The following ADGRV1 variants were observed in gnomAD, a reference collection of about 807,000 sequenced individuals.
The protein encoded by ADGRV1 is adhesion G protein-coupled receptor V1.
Under a neutral mutation model 596.2 loss-of-function variants are expected in ADGRV1, and 359 were observed. That is an observed-to-expected ratio of 0.60 (90% CI 0.55 to 0.66). The LOEUF (loss-of-function observed/expected upper bound fraction) is 0.66, where lower values mean the gene tolerates loss of function less well. Ranked by LOEUF, ADGRV1 falls within the 30% of genes least tolerant of loss-of-function variation. ADGRV1 has a pLI of 0.00. For missense variants in ADGRV1, 7,274 were observed against 7,575.6 expected, an observed-to-expected ratio of 0.96 and a Z score of 1.48; for synonymous variants, 2,681 against 2,679.2, an observed-to-expected ratio of 1.00 and a Z score of -0.02.
chr5:90,851,134 T>TGTGTGTGTGAGAGAGAGAGAGAGAGA (rs757909771), intron 79 of ADGRV1, among the ~76,000 whole-genome samples: 4 of 81,510 alleles, frequency 4.9e-5, no homozygotes, highest in Admixed American at 1.9e-4. Flanking sequence ...TGTGTGTGTG[T>TGTGTGTGTGAGAGAGAGAGAGAGAGA]GAGAGAGAGA....
At chr5:90,974,852 G>A (rs1217523103) in intron 84 of ADGRV1, among the ~76,000 whole-genome samples, 1 of 152,108 alleles carries the variant, frequency 6.6e-6, no homozygotes, top group Non-Finnish European at 1.5e-5. Flanking sequence ...TGACAAATGG[G>A]ATCTAATTAA....
At chr5:90,736,449 T>C (rs1430306880) in intron 50 of ADGRV1, among the ~76,000 whole-genome samples, 1 of 152,194 alleles carries the variant, frequency 6.6e-6, no homozygotes, top group East Asian at 1.9e-4. Context: ...TCTTATAGGG[T>C]CTTTGGCCTT....
At chr5:90,997,787 C>A (rs1044811499) in intron 85 of ADGRV1, among the ~76,000 whole-genome samples, 6 of 151,968 alleles carry the variant, frequency 3.9e-5, no homozygotes, top group Admixed American at 1.3e-4. Context: ...AATTACTTAC[C>A]CTCTGTGAGC....
chr5:91,067,422 C>T (rs1192020425), intron 85 of ADGRV1, among the ~76,000 whole-genome samples: 5 of 152,092 alleles, frequency 3.3e-5, no homozygotes, highest in African/African-American at 7.2e-5. Context: ...GGATTACAGG[C>T]GTGAGCCACC....
chr5:90,854,590 G>A (rs189721068), intron 81 of ADGRV1, among the ~76,000 whole-genome samples: 1 of 152,166 alleles, frequency 6.6e-6, no homozygotes, highest in African/African-American at 2.4e-5. Flanking sequence ...AGAAGAATCA[G>A]CAGGAATTTA....
intron 85 of ADGRV1, among the ~76,000 whole-genome samples, chr5:91,046,470 A>G (rs534017488): frequency 1.5e-4 from 23 of 152,306 alleles, no homozygotes; most frequent in South Asian, 1.4e-3. Context: ...ATGTAGGAGG[A>G]TGAAACAGGA....
chr5:90,935,596 G>A (rs1315146947), intron 83 of ADGRV1, among the ~76,000 whole-genome samples: 1 of 152,198 alleles, frequency 6.6e-6, no homozygotes, highest in Non-Finnish European at 1.5e-5. Context: ...AATGTGGCAT[G>A]TGACTTTCTA....
chr5:91,023,321 T>C (rs531263355), intron 85 of ADGRV1, among the ~76,000 whole-genome samples: 6 of 152,206 alleles, frequency 3.9e-5, no homozygotes, highest in African/African-American at 1.4e-4. Flanking sequence ...CAAGGTGAGT[T>C]AGGGGTAAGA....
At chr5:90,781,131 G>T (rs547118015) in intron 64 of ADGRV1, 2 of 393,060 alleles carry the variant, frequency 5.1e-6, no homozygotes, top group South Asian at 4.6e-5. Context: ...TTCATTTTAT[G>T]ACAGCATCTT....
chr5:90,791,011 G>A lies in ADGRV1; in HGVS notation c.14182G>A (p.Glu4728Lys), dbSNP rs1198413913. ...ACCAGATGAGGTACCTGAGATAGAGGAAGATTATGTGATCCAGCTTGTTTC... is the reference window on the plus strand; with the variant it reads ...ACCAGATGAGGTACCTGAGATAGAGAAAGATTATGTGATCCAGCTTGTTTC... ...LLPDEVPEIEEDYVIQLVSVE... is the reference protein window; with the variant it reads ...LLPDEVPEIEKDYVIQLVSVE... Residue 4728 changes from glutamate (E) to lysine (K), a missense_variant, in exon 70 of 90, where the codon GAA becomes AAA. This residue lies in a region of ADGRV1 where 1,874 missense variants were observed against 1,970.2 expected (regional missense o/e 0.95). Transcript: ENST00000405460. The A allele has an allele frequency of 6.2e-7, 1 of 1,613,946 alleles. No individual in the cohort carries two copies. The highest frequency in any genetic ancestry group is 1.7e-5 in the Admixed American group (1 of 60,008).
chr5:91,046,361 T>C (rs1376787920), intron 85 of ADGRV1, among the ~76,000 whole-genome samples: 1 of 151,506 alleles, frequency 6.6e-6, no homozygotes, highest in Non-Finnish European at 1.5e-5. Context: ...AGAAATAAAG[T>C]CAAATACAGC....
At chr5:90,595,890 AC>A (rs527355003) in intron 1 of ADGRV1, among the ~76,000 whole-genome samples, 55 of 115,784 alleles carry the variant, frequency 4.8e-4, no homozygotes, top group Middle Eastern at 5.9e-3. Flanking sequence ...CGGGGGGCTG[AC>A]CCCCCCCACC....
At chr5:90,750,476 T>C in intron 52 of ADGRV1, 75 bp from the exon 53 acceptor site, 1 of 1,308,568 alleles carries the variant, frequency 7.6e-7, no homozygotes, top group South Asian at 1.5e-5. Context: ...AAATCCATAA[T>C]AACATGAGAC....
intron 85 of ADGRV1, among the ~76,000 whole-genome samples, chr5:91,027,216 C>T (rs1258397342): frequency 6.7e-6 from 1 of 150,150 alleles, no homozygotes; most frequent in East Asian, 2.0e-4. Context: ...GAGGAGCAAT[C>T]TCTCAGTTCT....
intron 85 of ADGRV1, among the ~76,000 whole-genome samples, chr5:90,999,944 C>T (rs1349313997): frequency 6.6e-6 from 1 of 152,064 alleles, no homozygotes; most frequent in Non-Finnish European, 1.5e-5. Flanking sequence ...GTATTATTTA[C>T]TTTGTAGCTT....
intron 56 of ADGRV1, 104 bp from the exon 57 acceptor site, chr5:90,756,875 A>G: frequency 1.0e-6 from 1 of 961,424 alleles, no homozygotes; most frequent in Non-Finnish European, 1.5e-6. Flanking sequence ...TTTCTACTTT[A>G]AAGGGTGAAA....
intron 83 of ADGRV1, among the ~76,000 whole-genome samples, chr5:90,906,950 T>C (rs774099642): frequency 6.6e-6 from 1 of 152,178 alleles, no homozygotes; most frequent in African/African-American, 2.4e-5. Flanking sequence ...AATTTGGAGA[T>C]GCACATCTAA....
intron 1 of ADGRV1, among the ~76,000 whole-genome samples, chr5:90,592,228 T>C (rs1012215459): frequency 2.0e-5 from 3 of 152,164 alleles, no homozygotes; most frequent in African/African-American, 7.2e-5. Context: ...TGCCCATCAA[T>C]CAATGAGTGG....
intron 34 of ADGRV1, among the ~76,000 whole-genome samples, chr5:90,700,089 C>T (rs1747712925): frequency 6.6e-6 from 1 of 152,060 alleles, no homozygotes; most frequent in South Asian, 2.1e-4. Flanking sequence ...TATTAAGCCA[C>T]AATAGTTCAG....
Sources: gnomAD v4.1 joint callset for allele counts (sites outside exome capture counted in the v4.1 genomes callset) on GRCh38, gnomAD v4.1.1 for gene constraint, gnomAD v4.1.1 regional missense constraint, MANE v1.5 for transcripts, NCBI Gene and HGNC (gene_info 2026-07-23, HGNC 2026-07-21) for gene names.